The following NTRK3 variants were observed in gnomAD, a reference collection of about 807,000 sequenced individuals.
The protein encoded by NTRK3 is neurotrophic receptor tyrosine kinase 3.
NTRK3 carries 24 observed loss-of-function variants against 91.7 expected under a neutral mutation model. The ratio of observed to expected loss-of-function variants is 0.26; its 90% CI spans 0.19 to 0.37. NTRK3 has a LOEUF of 0.37. Among genes scored for constraint, NTRK3 ranks in the 10% least tolerant of loss-of-function variants. The pLI, the probability that NTRK3 is intolerant of heterozygous loss-of-function variation, is 1.00. For synonymous variants in NTRK3, 483 were observed against 404.0 expected, an observed-to-expected ratio of 1.20 and a Z score of -2.34; for missense variants, 880 against 1,068.9, an observed-to-expected ratio of 0.82 and a Z score of 2.46.
intron 3 of NTRK3, among the ~76,000 whole-genome samples, chr15:88,190,305 T>A (rs2047285401): frequency 6.6e-6 from 1 of 152,198 alleles, no homozygotes; most frequent in Admixed American, 6.5e-5. Context: ...CCCTGCTGGA[T>A]GTTTCTTTTT....
At chr15:87,920,832 C>A (rs1175962627) in intron 17 of NTRK3, among the ~76,000 whole-genome samples, 1 of 152,108 alleles carries the variant, frequency 6.6e-6, no homozygotes, top group East Asian at 1.9e-4. Flanking sequence ...GGATCCATCC[C>A]CTCACCCCTG....
At chr15:88,099,343 T>C (rs1162459594) in intron 13 of NTRK3, 1 of 201,372 alleles carries the variant, frequency 5.0e-6, no homozygotes, top group African/African-American at 2.3e-5. Flanking sequence ...AGAAGGAACA[T>C]GGAAGAGAGA....
chr15:88,175,086 C>T (rs2151538171), intron 5 of NTRK3, among the ~76,000 whole-genome samples: 1 of 152,328 alleles, frequency 6.6e-6, no homozygotes. Flanking sequence ...TTCATGCACC[C>T]CCAGTAGCCT....
chr15:87,943,346 G>GGGCTTAGCTCAAAGGTCCTCCTTCCC (rs1331752202), intron 14 of NTRK3, among the ~76,000 whole-genome samples: 10 of 152,094 alleles, frequency 6.6e-5, no homozygotes, highest in African/African-American at 1.2e-4. Context: ...GAGACGTCCT[G>GGGCTTAGCTCAAAGGTCCTCCTTCCC]GGCTTAGCTC....
intron 14 of NTRK3, among the ~76,000 whole-genome samples, chr15:87,969,613 T>C (rs895317624): frequency 1.3e-5 from 2 of 152,134 alleles, no homozygotes; most frequent in Non-Finnish European, 2.9e-5. Context: ...AGAGTTTTCT[T>C]TTTTCTTAAA....
intron 17 of NTRK3, among the ~76,000 whole-genome samples, chr15:87,923,386 G>A (rs557753505): frequency 1.3e-5 from 2 of 152,172 alleles, no homozygotes; most frequent in South Asian, 4.1e-4. Context: ...TCTCCTTTTA[G>A]CTGGTTGGGA....
At chr15:88,211,863 G>A (rs941887742) in intron 3 of NTRK3, among the ~76,000 whole-genome samples, 1 of 152,240 alleles carries the variant, frequency 6.6e-6, no homozygotes, top group African/African-American at 2.4e-5. Context: ...ATTTCTACAA[G>A]AGACAGAAAT....
chr15:88,156,641 C>T (rs754344235), intron 5 of NTRK3, among the ~76,000 whole-genome samples: 25 of 152,230 alleles, frequency 1.6e-4, no homozygotes, highest in East Asian at 3.9e-4. Context: ...TCTCTGCAGA[C>T]GGCTAGCACC....
rs765583233 is a variant in NTRK3 at position 87,981,329 on chromosome 15, T to C, written c.1586-40576A>G. Reference sequence around the variant, plus strand: ...GATCTCTATTGTCCTTCAAGTTTAATATCCCATGATTGTCTATGTTTGAAA... The same window carrying C: ...GATCTCTATTGTCCTTCAAGTTTAACATCCCATGATTGTCTATGTTTGAAA... On this transcript the variant is annotated intron_variant, in intron 14 of 18. Coordinates refer to ENST00000394480, the Ensembl canonical transcript of NTRK3. 1.9e-6 allele frequency: 3 copies of C among 1,609,046 alleles called. No homozygotes were observed. In the Admixed American group the frequency reaches 5.0e-5, roughly 27 times the overall value.
rs55943475 is a variant in NTRK3 at position 88,050,486 on chromosome 15, CGTGT to C, written c.1397-17445_1397-17442del. On this transcript the variant is annotated intron_variant, in intron 13 of 18. Transcript: ENST00000394480. ...GGTAGATTGAGTAATCAATATATAC[CGTGT>C]GTGTGTGTGTGTGTGTGTGTGTGTG... 4.1e-3 allele frequency among the ~76,000 whole-genome samples: 595 copies of C among 144,210 alleles called. 3 individuals carry two copies. The highest frequency in any genetic ancestry group is 8.6e-3 in the Admixed American group (123 of 14,310). 94.6% of individuals were successfully genotyped at this position (144,210 alleles called of 152,430 possible).
At chr15:87,915,914 T>C (rs767487090) in intron 17 of NTRK3, among the ~76,000 whole-genome samples, 6 of 152,220 alleles carry the variant, frequency 3.9e-5, no homozygotes, top group Non-Finnish European at 7.3e-5. Flanking sequence ...AGTGATTCAA[T>C]TGAATATCTG....
intron 13 of NTRK3, among the ~76,000 whole-genome samples, chr15:88,070,273 T>A (rs1216521946): frequency 1.2e-4 from 18 of 152,142 alleles, no homozygotes; most frequent in Admixed American, 1.2e-3. Context: ...TCCTTAGAGT[T>A]ACCTCTGCCA....
chr15:88,229,509 T>A (rs1041930782), intron 3 of NTRK3, among the ~76,000 whole-genome samples: 1 of 152,192 alleles, frequency 6.6e-6, no homozygotes, highest in African/African-American at 2.4e-5. Flanking sequence ...TCAAGATGGA[T>A]GCCTTCGTCA....
At chr15:88,183,770 G>A (rs950395607) in intron 4 of NTRK3, among the ~76,000 whole-genome samples, 8 of 152,170 alleles carry the variant, frequency 5.3e-5, no homozygotes, top group African/African-American at 1.9e-4. Flanking sequence ...CAGGGCTTCT[G>A]CTGGTCCAGT....
Position 87,885,669 on chromosome 15 carries a change from A to T in NTRK3, c.2134-5241T>A, listed in dbSNP as rs529348865. On this transcript the variant is annotated intron_variant, in intron 17 of 18. Transcript: ENST00000394480. Reference sequence around the variant, plus strand: ...GTGTTGGGACAATGAACTATTCATTAAAAAAAATACGCTTAGATACCTACC... The same window carrying T: ...GTGTTGGGACAATGAACTATTCATTTAAAAAAATACGCTTAGATACCTACC... 6.6e-5 allele frequency: 81 copies of T among 1,232,844 alleles called. No homozygotes were observed. The African/African-American group carries it at 8.8e-4, about 13-fold the overall frequency. 76.4% of individuals were successfully genotyped at this position (1,232,844 alleles called of 1,614,324 possible). A position where few individuals can be genotyped will look rare whatever the true frequency, so the allele number is the denominator to read the frequency against.
intron 13 of NTRK3, among the ~76,000 whole-genome samples, chr15:88,035,123 G>A (rs746337578): frequency 1.3e-5 from 2 of 152,198 alleles, no homozygotes; most frequent in African/African-American, 2.4e-5. Flanking sequence ...AGAAGAAAGA[G>A]GCAAGAGGAG....
intron 5 of NTRK3, among the ~76,000 whole-genome samples, chr15:88,164,526 CT>C (rs2044753387): frequency 6.6e-6 from 1 of 152,192 alleles, no homozygotes; most frequent in African/African-American, 2.4e-5. Context: ...TGACAGCTAT[CT>C]TTACTGCCAA....
intron 13 of NTRK3, among the ~76,000 whole-genome samples, chr15:88,063,227 T>C (rs1001240201): frequency 1.1e-4 from 16 of 152,248 alleles, no homozygotes; most frequent in South Asian, 2.1e-4. Flanking sequence ...CTGCCAGTGA[T>C]GTCAACAATG....
Position 87,863,687 on chromosome 15 carries a change from G to A in NTRK3, c.*13248C>T, listed in dbSNP as rs143029212. The A allele has an allele frequency of 2.3e-4, 52 of 226,408 alleles. No homozygotes were observed. The East Asian group carries it at 3.2e-3, about 14-fold the overall frequency. The allele number at this position is 226,408 out of a possible 1,614,324, so 14.0% of individuals were successfully genotyped here. On this transcript the variant is annotated 3_prime_UTR_variant, in exon 19 of 19. Transcript: ENST00000394480. Reference sequence around the variant, plus strand: ...CTTAAAACCTTGGAAAAGAAAGATTGTAAACAGATGCACCATTGGGGTCTA... The same window carrying A: ...CTTAAAACCTTGGAAAAGAAAGATTATAAACAGATGCACCATTGGGGTCTA...
Sources: gnomAD v4.1 joint callset for allele counts (sites outside exome capture counted in the v4.1 genomes callset) on GRCh38, gnomAD v4.1.1 for gene constraint, MANE v1.5 for transcripts, NCBI Gene and HGNC (gene_info 2026-07-23, HGNC 2026-07-21) for gene names.